The following CSMD1 variants were observed in gnomAD, a reference collection of about 807,000 sequenced individuals.
CSMD1 encodes CUB and Sushi multiple domains 1, also known as CUB and sushi domain-containing protein 1.
In CSMD1, 213 loss-of-function variants were observed where a neutral mutation model predicts 417.5. That is an observed-to-expected ratio of 0.51 (90% CI 0.46 to 0.57). The LOEUF is 0.57. Ranked by LOEUF, CSMD1 falls within the 20% of genes least tolerant of loss-of-function variation. CSMD1 has a pLI of 0.00. For synonymous variants in CSMD1, 2,862 were observed against 1,736.8 expected (o/e 1.65, Z -16.11); for missense variants, 6,923 against 4,529.7 (o/e 1.53, Z -15.17).
intron 2 of CSMD1, among the ~76,000 whole-genome samples, chr8:4,429,772 C>A (rs1238113596): frequency 3.3e-5 from 5 of 152,138 alleles, no homozygotes; most frequent in African/African-American, 4.8e-5. Flanking sequence ...AGTGCTCCAC[C>A]CGTATTTGTT....
At chr8:4,722,525 G>A (rs1460111460) in intron 1 of CSMD1, among the ~76,000 whole-genome samples, 1 of 152,084 alleles carries the variant, frequency 6.6e-6, no homozygotes, top group African/African-American at 2.4e-5. Context: ...TTCTTCAGGA[G>A]TATGCTCTGA....
intron 5 of CSMD1, among the ~76,000 whole-genome samples, chr8:3,804,920 G>A (rs936938990): frequency 3.9e-5 from 6 of 152,146 alleles, no homozygotes; most frequent in Non-Finnish European, 7.3e-5. Flanking sequence ...AGAGTTTCAG[G>A]TTAGTAGCAC....
intron 1 of CSMD1, among the ~76,000 whole-genome samples, chr8:4,852,133 C>T (rs1801517478): frequency 6.6e-6 from 1 of 152,208 alleles, no homozygotes; most frequent in Non-Finnish European, 1.5e-5. Flanking sequence ...CAACTGGGAA[C>T]ACCATATATG....
intron 8 of CSMD1, among the ~76,000 whole-genome samples, chr8:3,596,165 G>C (rs576056087): frequency 2.0e-5 from 3 of 152,186 alleles, no homozygotes; most frequent in Admixed American, 6.5e-5. Context: ...GTCGGAGGCA[G>C]AGACATGGGA....
At chr8:3,253,302 G>A (rs1800408843) in intron 26 of CSMD1, among the ~76,000 whole-genome samples, 1 of 152,126 alleles carries the variant, frequency 6.6e-6, no homozygotes, top group African/African-American at 2.4e-5. Context: ...TAGTCACTCA[G>A]GAGCAGGTCG....
intron 41 of CSMD1, among the ~76,000 whole-genome samples, chr8:3,125,563 A>C (rs905271449): frequency 1.3e-5 from 2 of 152,254 alleles, no homozygotes; most frequent in Non-Finnish European, 2.9e-5. Context: ...ATTATCAAAC[A>C]AATTCTGATT....
At chr8:3,616,941 A>T (rs775809635) in intron 7 of CSMD1, 144 bp from the exon 8 acceptor site, 1 of 510,102 alleles carries the variant, frequency 2.0e-6, no homozygotes, top group Non-Finnish European at 3.5e-6. Flanking sequence ...CCTTAAATAC[A>T]TTCAAATAAG....
chr8:4,667,355 A>G, intron 1 of CSMD1, among the ~76,000 whole-genome samples: 1 of 152,244 alleles, frequency 6.6e-6, no homozygotes, highest in Non-Finnish European at 1.5e-5. Context: ...CTTTTCTGCA[A>G]ACATTCGAGA....
At chr8:3,381,708 A>G (rs990505626) in intron 18 of CSMD1, among the ~76,000 whole-genome samples, 3 of 152,214 alleles carry the variant, frequency 2.0e-5, no homozygotes, top group Middle Eastern at 3.2e-3. Flanking sequence ...TAGAGTTCCA[A>G]TTACAAAAAT....
At chr8:3,294,816 G>C (rs112715067) in intron 25 of CSMD1, among the ~76,000 whole-genome samples, 21 of 152,200 alleles carry the variant, frequency 1.4e-4, no homozygotes, top group Admixed American at 1.4e-3. Context: ...CGCTTGGTGG[G>C]CTGCACCCAT....
chr8:4,774,753 T>C (rs1375078610), intron 1 of CSMD1, among the ~76,000 whole-genome samples: 2 of 152,080 alleles, frequency 1.3e-5, no homozygotes, highest in East Asian at 1.9e-4. Context: ...ATAACAGACT[T>C]CCCAGGAGAC....
At chr8:4,318,934 CTCTT>C (rs963417706) in intron 3 of CSMD1, among the ~76,000 whole-genome samples, 18 of 152,140 alleles carry the variant, frequency 1.2e-4, no homozygotes, top group Non-Finnish European at 2.9e-5. Context: ...TAATTTTACT[CTCTT>C]TATTAAAAAC....
chr8:3,911,106 G>A (rs961401698), intron 5 of CSMD1, among the ~76,000 whole-genome samples: 1 of 152,080 alleles, frequency 6.6e-6, no homozygotes, highest in Admixed American at 6.5e-5. Flanking sequence ...TGGCAGCTGT[G>A]GTTTACTGGA....
chr8:4,462,163 C>T (rs940783146), intron 2 of CSMD1, among the ~76,000 whole-genome samples: 6 of 152,106 alleles, frequency 3.9e-5, no homozygotes, highest in Non-Finnish European at 2.9e-5. Context: ...GTGTGAGCCA[C>T]CACACTCAGC....
intron 12 of CSMD1, among the ~76,000 whole-genome samples, chr8:3,458,316 T>C (rs752979736): frequency 2.0e-5 from 3 of 152,206 alleles, no homozygotes; most frequent in Non-Finnish European, 4.4e-5. Context: ...TATATTTAAA[T>C]ATTTAATAAT....
At chr8:3,087,307 C>T (rs531855238) in intron 48 of CSMD1, 22 bp from the exon 49 acceptor site, 37 of 1,608,772 alleles carry the variant, frequency 2.3e-5, no homozygotes, top group African/African-American at 1.3e-4. Context: ...CAGACACACA[C>T]AGAAATAAGT....
At position 4,493,225 on chromosome 8, in the gene CSMD1, T is replaced by C. The variant is rs114356474; in HGVS notation, c.303-73160A>G. Among the ~76,000 whole-genome samples the C allele has an allele frequency of 2.4e-3, 371 of 152,270 alleles. 1 individual carries two copies. Among genetic ancestry groups the C allele is most frequent in the African/African-American group, 8.6e-3 (359 of 41,556 alleles). ...CCTACATTGGAAGCACAAAAATATA[T>C]TAGGTAAAATAATTTAAGATTGTCT... On this transcript the variant is annotated intron_variant, in intron 2 of 69. Transcript: ENST00000635120.
chr8:3,894,111 C>G (rs1210590041), intron 5 of CSMD1, among the ~76,000 whole-genome samples: 1 of 152,208 alleles, frequency 6.6e-6, no homozygotes, highest in African/African-American at 2.4e-5. Context: ...TCCGTCTATT[C>G]TGCACCTCAC....
chr8:4,761,607 ATTTATC>A (rs1812073156), intron 1 of CSMD1, among the ~76,000 whole-genome samples: 1 of 152,074 alleles, frequency 6.6e-6, no homozygotes, highest in African/African-American at 2.4e-5. Flanking sequence ...ATTATAAACC[ATTTATC>A]TTTAACACTC....
Sources: gnomAD v4.1 joint callset for allele counts (sites outside exome capture counted in the v4.1 genomes callset) on GRCh38, gnomAD v4.1.1 for gene constraint, MANE v1.5 for transcripts, NCBI Gene and HGNC (gene_info 2026-07-23, HGNC 2026-07-21) for gene names.